Variants in NLGN1 observed in about 807,000 individuals in gnomAD.
NLGN1 encodes neuroligin 1, also known as neuroligin-1.
NLGN1 carries 12 observed loss-of-function variants against 65.5 expected under a neutral mutation model. That is an observed-to-expected ratio of 0.18 (90% CI 0.12 to 0.30). The LOEUF is 0.30. Among genes scored for constraint, NLGN1 ranks in the 10% least tolerant of loss-of-function variants. The pLI is 1.00. For missense variants in NLGN1, 750 were observed against 1,007.1 expected, an observed-to-expected ratio of 0.74 and a Z score of 3.46; for synonymous variants, 350 against 359.5, an observed-to-expected ratio of 0.97 and a Z score of 0.30.
intron 4 of NLGN1, among the ~76,000 whole-genome samples, chr3:173,971,162 G>A (rs961626918): frequency 2.6e-5 from 4 of 152,060 alleles, no homozygotes; most frequent in African/African-American, 7.2e-5. Context: ...ATCCCTGAAC[G>A]AGAAAGAGGG....
intron 4 of NLGN1, among the ~76,000 whole-genome samples, chr3:173,852,361 A>T: frequency 7.3e-6 from 1 of 136,942 alleles, no homozygotes; most frequent in Non-Finnish European, 1.5e-5. Context: ...GTCTCAAAAA[A>T]AAAAAAAAAA....
intron 2 of NLGN1, among the ~76,000 whole-genome samples, chr3:173,547,620 G>A (rs148575951): frequency 2.0e-3 from 302 of 152,176 alleles, no homozygotes; most frequent in African/African-American, 7.1e-3. Context: ...TCCTCAGGTT[G>A]CTACTAAACA....
intron 4 of NLGN1, among the ~76,000 whole-genome samples, chr3:174,143,688 T>C (rs190060767): frequency 5.5e-4 from 83 of 152,284 alleles, no homozygotes; most frequent in African/African-American, 1.8e-3. Context: ...CACAGAGAAA[T>C]AGTCTATGTA....
chr3:173,870,311 G>A (rs1730936078), intron 4 of NLGN1, among the ~76,000 whole-genome samples: 1 of 151,962 alleles, frequency 6.6e-6, no homozygotes, highest in Admixed American at 6.6e-5. Context: ...ATGAAATTCA[G>A]AGCTATATCT....
At chr3:174,291,467 G>C (rs9849139), downstream of NLGN1, among the ~76,000 whole-genome samples, 6,123 of 151,156 alleles carry the variant, frequency 0.041, 396 homozygotes, top group African/African-American at 0.14. Context: ...GACTATCAAA[G>C]AAATAATATA....
intron 4 of NLGN1, among the ~76,000 whole-genome samples, chr3:174,026,189 C>T (rs1390943281): frequency 6.6e-6 from 1 of 152,070 alleles, no homozygotes; most frequent in African/African-American, 2.4e-5. Context: ...CACAGTGGCA[C>T]AATCACTGCT....
intron 4 of NLGN1, among the ~76,000 whole-genome samples, chr3:174,223,628 C>G (rs1739072234): frequency 6.6e-6 from 1 of 152,130 alleles, no homozygotes; most frequent in African/African-American, 2.4e-5. Flanking sequence ...AAATGTGTAT[C>G]CTAGATCCAG....
At chr3:173,686,096 A>G (rs78909011) in intron 3 of NLGN1, among the ~76,000 whole-genome samples, 1,603 of 152,260 alleles carry the variant, frequency 0.011, 32 homozygotes, top group African/African-American at 0.036. Context: ...GTTAAAACCC[A>G]AGGCAAGAAC....
intron 4 of NLGN1, among the ~76,000 whole-genome samples, chr3:174,018,824 A>G (rs1254140218): frequency 1.3e-5 from 2 of 152,156 alleles, no homozygotes; most frequent in African/African-American, 4.8e-5. Context: ...ACTTCTGTGC[A>G]TAATTTAGAT....
chr3:173,500,599 A>G (rs901220433), intron 2 of NLGN1, among the ~76,000 whole-genome samples: 13 of 151,870 alleles, frequency 8.6e-5, no homozygotes, highest in Non-Finnish European at 1.3e-4. Context: ...CTCTTTTTCT[A>G]TTGATTGGAA....
chr3:174,020,605 A>AT (rs1234318503), intron 4 of NLGN1, among the ~76,000 whole-genome samples: 1 of 152,152 alleles, frequency 6.6e-6, no homozygotes, highest in Non-Finnish European at 1.5e-5. Flanking sequence ...GCCTGTATAA[A>AT]TTTATAAAGG....
rs79820817 is a variant in NLGN1 at position 173,583,774 on chromosome 3, A to T, written c.-320-20505A>T. 5.1e-3 allele frequency among the ~76,000 whole-genome samples: 779 copies of T among 152,152 alleles called. 19 individuals are homozygous for T. Among genetic ancestry groups the T allele is most frequent in the Admixed American group, 0.04 (609 of 15,276 alleles). On this transcript the variant is annotated intron_variant, in intron 2 of 6. Transcript: ENST00000457714. ...AAGCAACATTGAGGCCTATGTAATG[A>T]CTCTTAGGTCTTGTTCTGTGACCAC...
intron 3 of NLGN1, among the ~76,000 whole-genome samples, chr3:173,776,870 C>T (rs959779777): frequency 1.3e-5 from 2 of 151,892 alleles, no homozygotes; most frequent in Admixed American, 6.6e-5. Context: ...AATGATCTTT[C>T]ATAGGAAAAA....
intron 4 of NLGN1, among the ~76,000 whole-genome samples, chr3:174,266,828 T>G (rs1748342125): frequency 6.6e-6 from 1 of 152,210 alleles, no homozygotes; most frequent in Non-Finnish European, 1.5e-5. Flanking sequence ...ATTTAACTTT[T>G]TGTAATTTTT....
intron 4 of NLGN1, among the ~76,000 whole-genome samples, chr3:173,919,108 C>CT (rs1267836903): frequency 6.6e-6 from 1 of 152,124 alleles, no homozygotes; most frequent in Non-Finnish European, 1.5e-5. Context: ...ATTGAGTCCA[C>CT]TTGGATAATC....
At chr3:173,886,890 T>C (rs1734441045) in intron 4 of NLGN1, among the ~76,000 whole-genome samples, 1 of 152,026 alleles carries the variant, frequency 6.6e-6, no homozygotes, top group Non-Finnish European at 1.5e-5. Flanking sequence ...CACTATAAAA[T>C]AGACTAAATA....
At chr3:173,561,653 T>C (rs1308348814) in intron 2 of NLGN1, among the ~76,000 whole-genome samples, 1 of 152,194 alleles carries the variant, frequency 6.6e-6, no homozygotes, top group Non-Finnish European at 1.5e-5. Flanking sequence ...GTTAAAGACT[T>C]TTCTGTGCAA....
At chr3:173,477,693 A>ATTAACT (rs150721120) in intron 2 of NLGN1, among the ~76,000 whole-genome samples, 1,601 of 152,312 alleles carry the variant, frequency 0.011, 28 homozygotes, top group African/African-American at 0.037. Flanking sequence ...CTAGAGGCAG[A>ATTAACT]TTAAGAAGTT....
chr3:173,523,620 A>G lies in NLGN1; in HGVS notation c.-320-80659A>G, dbSNP rs1044869570. On this transcript the variant is annotated intron_variant, in intron 2 of 6. Coordinates refer to ENST00000457714, the Ensembl canonical transcript of NLGN1. Reference sequence around the variant, plus strand: ...TTCTGTTCCGTTGGTCTGTGTGTCCATTTTTGTACCAATACCACGCTGTTT... The same window carrying G: ...TTCTGTTCCGTTGGTCTGTGTGTCCGTTTTTGTACCAATACCACGCTGTTT... Among the ~76,000 whole-genome samples, 9 of 151,570 alleles carry G rather than the reference A, an allele frequency of 5.9e-5. 1 individual carries two copies. The highest frequency in any genetic ancestry group is 1.3e-4 in the Non-Finnish European group (9 of 67,758).
Sources: gnomAD v4.1 joint callset for allele counts (sites outside exome capture counted in the v4.1 genomes callset) on GRCh38, gnomAD v4.1.1 for gene constraint, MANE v1.5 for transcripts, NCBI Gene and HGNC (gene_info 2026-07-23, HGNC 2026-07-21) for gene names.